Variants in IGF1 observed in about 807,000 individuals in gnomAD.
The protein encoded by IGF1 is insulin like growth factor 1.
Under a neutral mutation model 13.8 loss-of-function variants are expected in IGF1, and 4 were observed. That is an observed-to-expected ratio of 0.29 (90% CI 0.14 to 0.66). The LOEUF is 0.66. Among genes scored for constraint, IGF1 ranks in the 30% least tolerant of loss-of-function variants. IGF1 has a pLI of 0.78. For missense variants in IGF1, 124 were observed against 188.5 expected, an observed-to-expected ratio of 0.66 and a Z score of 2.00; for synonymous variants, 76 against 72.6, an observed-to-expected ratio of 1.05 and a Z score of -0.23.
At chr12:102,412,551 C>T (rs998196455) in intron 3 of IGF1, among the ~76,000 whole-genome samples, 1 of 152,150 alleles carries the variant, frequency 6.6e-6, no homozygotes, top group East Asian at 1.9e-4. Context: ...TTATTTCTAA[C>T]CATCATACTT....
At chr12:102,423,763 C>T (rs940994356) in intron 2 of IGF1, among the ~76,000 whole-genome samples, 1 of 152,094 alleles carries the variant, frequency 6.6e-6, no homozygotes, top group Non-Finnish European at 1.5e-5. Context: ...TCATCAAAAC[C>T]ACACCAATTA....
chr12:102,417,250 A>G (rs1875224568), intron 3 of IGF1, among the ~76,000 whole-genome samples: 1 of 152,192 alleles, frequency 6.6e-6, no homozygotes, highest in South Asian at 2.1e-4. Flanking sequence ...CTCAAAAGTT[A>G]CCTCACAGAC....
chr12:102,402,266 A>G lies in IGF1; in HGVS notation c.*241T>C. ...TATATTTTTTTTTTCTTTTCTATAG[A>G]ACATTATTGATAAAAGATCAACAGC... On this transcript the variant is annotated 3_prime_UTR_variant, in exon 4 of 4. Coordinates refer to ENST00000337514, the MANE Select transcript of IGF1 (RefSeq NM_000618.5). The G allele has an allele frequency of 4.7e-6, 2 of 422,312 alleles. No individual in the cohort carries two copies. Among genetic ancestry groups the G allele is most frequent in the Non-Finnish European group, 8.5e-6 (2 of 234,452 alleles). 26.2% of individuals were successfully genotyped at this position (422,312 alleles called of 1,614,324 possible). A position where few individuals can be genotyped will look rare whatever the true frequency, so the allele number is the denominator to read the frequency against.
At chr12:102,441,921 T>TTCTCCTTCTCCTTCTCCTTCTCCTTCTC (rs1877807351) in intron 2 of IGF1, among the ~76,000 whole-genome samples, 1 of 117,612 alleles carries the variant, frequency 8.5e-6, no homozygotes, top group Admixed American at 1.0e-4. Context: ...TTCTCCTTCT[T>TTCTCCTTCTCCTTCTCCTTCTCCTTCTC]CTTCTTCTTC....
At chr12:102,457,869 G>C (rs1424335236) in intron 2 of IGF1, among the ~76,000 whole-genome samples, 1 of 152,100 alleles carries the variant, frequency 6.6e-6, no homozygotes, top group Non-Finnish European at 1.5e-5. Flanking sequence ...TACTTTTTGG[G>C]AGCATGATGG....
At chr12:102,462,616 AT>A (rs1879996774) in intron 2 of IGF1, 3 of 152,204 alleles carry the variant, frequency 2.0e-5, no homozygotes, top group Admixed American at 2.0e-4. Context: ...TATGATTCAT[AT>A]GACTCAGGGC....
intron 2 of IGF1, among the ~76,000 whole-genome samples, chr12:102,439,262 G>A (rs1171451937): frequency 6.6e-6 from 1 of 152,132 alleles, no homozygotes; most frequent in Admixed American, 6.5e-5. Flanking sequence ...GTGAGTATTG[G>A]GAGAAATGAG....
At chr12:102,419,186 G>A (rs1875443208) in intron 3 of IGF1, among the ~76,000 whole-genome samples, 1 of 152,166 alleles carries the variant, frequency 6.6e-6, no homozygotes, top group Admixed American at 6.5e-5. Flanking sequence ...CTGAGGCTTG[G>A]GTACATCACA....
chr12:102,420,385 G>A (rs1164197615), intron 2 of IGF1, among the ~76,000 whole-genome samples: 1 of 152,176 alleles, frequency 6.6e-6, no homozygotes, highest in East Asian at 1.9e-4. Context: ...TTTATGTAAT[G>A]GAGTTAATAA....
intron 2 of IGF1, among the ~76,000 whole-genome samples, chr12:102,438,217 C>T (rs1022857395): frequency 6.6e-6 from 1 of 152,158 alleles, no homozygotes; most frequent in South Asian, 2.1e-4. Flanking sequence ...GGAAGGACTC[C>T]CTGCCTTCCT....
chr12:102,418,592 C>G (rs998408568), intron 3 of IGF1, among the ~76,000 whole-genome samples: 1 of 152,226 alleles, frequency 6.6e-6, no homozygotes, highest in Non-Finnish European at 1.5e-5. Context: ...AATACTTAAA[C>G]GAGAGCTATT....
At chr12:102,418,144 A>G (rs1875331148) in intron 3 of IGF1, 3 of 806,934 alleles carry the variant, frequency 3.7e-6, no homozygotes, top group Non-Finnish European at 5.5e-6. Flanking sequence ...CAGTCACAAG[A>G]CCCACCATTC....
chr12:102,439,897 T>C (rs1391618984), intron 2 of IGF1, among the ~76,000 whole-genome samples: 3 of 152,122 alleles, frequency 2.0e-5, no homozygotes, highest in African/African-American at 7.2e-5. Context: ...CGGGCCACAT[T>C]GGAAGCATTT....
intron 2 of IGF1, among the ~76,000 whole-genome samples, chr12:102,453,775 C>G (rs1300878425): frequency 1.3e-5 from 2 of 152,130 alleles, no homozygotes; most frequent in African/African-American, 4.8e-5. Flanking sequence ...TGTCAGGTAC[C>G]ATGCGTGCTT....
At chr12:102,476,410 T>TGAGGGAGAGAGAGA (rs1555250204) in intron 1 of IGF1, among the ~76,000 whole-genome samples, 4 of 139,132 alleles carry the variant, frequency 2.9e-5, no homozygotes, top group Admixed American at 1.4e-4. Flanking sequence ...TTCCTCAATA[T>TGAGGGAGAGAGAGA]GAGAGAGAGA....
At position 102,399,281 on chromosome 12, in the gene IGF1, G is replaced by C. The variant is rs55650342; in HGVS notation, c.*3226C>G. ...AAATAATACTTTAATATTATTTGGGGAAGAGAGAACAGAAATTTGACCTAA... is the reference window on the plus strand; with the variant it reads ...AAATAATACTTTAATATTATTTGGGCAAGAGAGAACAGAAATTTGACCTAA... On this transcript the variant is annotated 3_prime_UTR_variant, in exon 4 of 4. Transcript: ENST00000337514. 2,457 of 152,548 alleles carry C rather than the reference G, an allele frequency of 0.016. 21 individuals carry two copies. Among genetic ancestry groups the C allele is most frequent in the Non-Finnish European group, 0.024 (1,659 of 67,980 alleles). 9.4% of individuals were successfully genotyped at this position (152,548 alleles called of 1,614,324 possible).
At chr12:102,408,872 G>A (rs568268318) in intron 3 of IGF1, among the ~76,000 whole-genome samples, 19 of 152,084 alleles carry the variant, frequency 1.2e-4, no homozygotes, top group Non-Finnish European at 2.8e-4. Flanking sequence ...CTTGGGGTTA[G>A]GCTTGCCTTG....
At chr12:102,411,270 A>G (rs759686052) in intron 3 of IGF1, among the ~76,000 whole-genome samples, 1 of 152,174 alleles carries the variant, frequency 6.6e-6, no homozygotes, top group Non-Finnish European at 1.5e-5. Flanking sequence ...TGACATAAAC[A>G]TTGCACATCC....
chr12:102,460,441 A>G (rs1195807550), intron 2 of IGF1, among the ~76,000 whole-genome samples: 2 of 151,774 alleles, frequency 1.3e-5, no homozygotes, highest in South Asian at 2.1e-4. Context: ...TTGGAATTTC[A>G]TGGGTCCCCC....
Sources: allele counts gnomAD v4.1 joint callset (sites outside exome capture counted in the v4.1 genomes callset), GRCh38; gene constraint gnomAD v4.1.1; transcripts MANE v1.5; gene names NCBI Gene and HGNC (gene_info 2026-07-23, HGNC 2026-07-21).